The following STPG2 variants were observed in gnomAD, a reference collection of about 807,000 sequenced individuals.
STPG2 encodes sperm tail PG-rich repeat containing 2.
STPG2 carries 56 observed loss-of-function variants against 54.2 expected under a neutral mutation model. That is an observed-to-expected ratio of 1.03 (90% CI 0.83 to 1.29). The LOEUF is 1.29. Ranked by LOEUF, STPG2 falls within the 50% of genes most tolerant of loss-of-function variation. The probability of loss-of-function intolerance (pLI) is 0.00; values close to 1 mark genes in which losing one functional copy is unlikely to be tolerated. For missense variants in STPG2, 596 were observed against 544.9 expected (o/e 1.09, Z -0.93); for synonymous variants, 200 against 181.8 (o/e 1.10, Z -0.81).
chr4:97,781,337 T>A (rs942732820), intron 9 of STPG2, among the ~76,000 whole-genome samples: 1 of 152,042 alleles, frequency 6.6e-6, no homozygotes, highest in Admixed American at 6.6e-5. Flanking sequence ...CTAGAAGAAA[T>A]GGCTAAATTC....
intron 4 of STPG2, among the ~76,000 whole-genome samples, chr4:97,465,256 G>T (rs1729760863): frequency 1.3e-5 from 2 of 152,072 alleles, no homozygotes; most frequent in South Asian, 4.1e-4. Flanking sequence ...GTATCACTCT[G>T]TATTTGTCTC....
chr4:98,141,232 A>C (rs563538668), intron 1 of STPG2, among the ~76,000 whole-genome samples: 33 of 152,330 alleles, frequency 2.2e-4, no homozygotes, highest in African/African-American at 7.7e-4. Context: ...GTTTTACCTA[A>C]AAATATATTT....
intron 7 of STPG2, among the ~76,000 whole-genome samples, chr4:97,949,536 T>C (rs1467292938): frequency 1.3e-5 from 2 of 152,208 alleles, no homozygotes; most frequent in Non-Finnish European, 2.9e-5. Flanking sequence ...GGTTCTATTC[T>C]GGTGCATAAT....
chr4:97,865,043 A>C (rs1294482370), intron 8 of STPG2, among the ~76,000 whole-genome samples: 1 of 152,210 alleles, frequency 6.6e-6, no homozygotes, highest in Admixed American at 6.6e-5. Flanking sequence ...CAAGGACTTC[A>C]TGTCTAAAAC....
At chr4:97,970,801 T>C (rs1323659803) in intron 7 of STPG2, among the ~76,000 whole-genome samples, 2 of 152,100 alleles carry the variant, frequency 1.3e-5, no homozygotes, top group African/African-American at 2.4e-5. Flanking sequence ...AAAGTCAAAA[T>C]TGACAAATGG....
chr4:98,026,251 G>A (rs1417855233), intron 5 of STPG2: 6 of 872,810 alleles, frequency 6.9e-6, no homozygotes, highest in Middle Eastern at 7.4e-4. Flanking sequence ...GCTCAGGAGT[G>A]GGCTGCTGAG....
At chr4:98,060,724 A>C (rs1737624041) in intron 5 of STPG2, among the ~76,000 whole-genome samples, 1 of 152,172 alleles carries the variant, frequency 6.6e-6, no homozygotes, top group Non-Finnish European at 1.5e-5. Flanking sequence ...AGGCACATAG[A>C]CCAATGGAAC....
intron 10 of STPG2, among the ~76,000 whole-genome samples, chr4:97,637,192 G>A (rs1721576945): frequency 6.6e-6 from 1 of 152,066 alleles, no homozygotes; most frequent in Non-Finnish European, 1.5e-5. Flanking sequence ...TTCAATATAT[G>A]CAAATCAATA....
At chr4:97,907,885 T>G (rs1331633575) in intron 8 of STPG2, among the ~76,000 whole-genome samples, 3 of 152,172 alleles carry the variant, frequency 2.0e-5, no homozygotes, top group Non-Finnish European at 4.4e-5. Flanking sequence ...GATTAAAGAC[T>G]TAAACGTTAG....
intron 8 of STPG2, among the ~76,000 whole-genome samples, chr4:97,866,332 T>C (rs145708282): frequency 1.3e-4 from 20 of 152,126 alleles, no homozygotes; most frequent in African/African-American, 4.8e-4. Flanking sequence ...TTATGCACTG[T>C]ATGCCTGTAT....
downstream of STPG2, among the ~76,000 whole-genome samples, chr4:97,557,755 TG>T (rs1732113723): frequency 6.6e-6 from 1 of 152,228 alleles, no homozygotes. Context: ...GAAAGGATTT[TG>T]CAGGGCATAT....
chr4:97,739,447 C>A (rs911897387), intron 9 of STPG2, among the ~76,000 whole-genome samples: 3 of 152,010 alleles, frequency 2.0e-5, no homozygotes, highest in African/African-American at 7.2e-5. Flanking sequence ...AAAGGATCAA[C>A]AAAATTGATA....
At chr4:97,932,829 G>T (rs1732601833) in intron 8 of STPG2, among the ~76,000 whole-genome samples, 2 of 152,176 alleles carry the variant, frequency 1.3e-5, no homozygotes, top group African/African-American at 4.8e-5. Context: ...ATAAAGATAT[G>T]TGTGGATGTA....
At chr4:98,011,267 A>G (rs963282263) in intron 5 of STPG2, among the ~76,000 whole-genome samples, 1 of 152,158 alleles carries the variant, frequency 6.6e-6, no homozygotes, top group African/African-American at 2.4e-5. Context: ...AGCTTCATCC[A>G]AGACCCGGCA....
At chr4:97,704,728 T>C (rs894918609) in intron 10 of STPG2, among the ~76,000 whole-genome samples, 1 of 152,098 alleles carries the variant, frequency 6.6e-6, no homozygotes, top group African/African-American at 2.4e-5. Context: ...TAAAATACTG[T>C]CCCACAAATA....
intron 9 of STPG2, among the ~76,000 whole-genome samples, chr4:97,721,594 TA>T (rs559467601): frequency 2.1e-4 from 32 of 152,056 alleles, no homozygotes; most frequent in Middle Eastern, 3.4e-3. Context: ...TACTCTATAA[TA>T]AAAAAAATTA....
At chr4:97,525,754 C>A (rs1731267937) in intron 4 of STPG2, among the ~76,000 whole-genome samples, 2 of 151,802 alleles carry the variant, frequency 1.3e-5, no homozygotes, top group African/African-American at 4.8e-5. Flanking sequence ...AGGAACAATT[C>A]TAAGTATATT....
intron 10 of STPG2, among the ~76,000 whole-genome samples, chr4:97,628,112 C>T (rs1734181347): frequency 6.6e-6 from 1 of 152,054 alleles, no homozygotes; most frequent in East Asian, 1.9e-4. Flanking sequence ...ACCTCATGTC[C>T]CAGTCAAGTT....
chr4:97,941,099 C>A (rs543440561), intron 8 of STPG2, among the ~76,000 whole-genome samples: 3 of 152,106 alleles, frequency 2.0e-5, no homozygotes, highest in South Asian at 2.1e-4. Context: ...ATCATTTCCC[C>A]TGAGAAATTT....
Sources: allele counts gnomAD v4.1 joint callset (sites outside exome capture counted in the v4.1 genomes callset), GRCh38; gene constraint gnomAD v4.1.1; transcripts MANE v1.5; gene names NCBI Gene and HGNC (gene_info 2026-07-23, HGNC 2026-07-21).